SERINC2: variants seen among roughly 807,000 people sequenced by gnomAD.
SERINC2 encodes tumor differentially expressed protein 2.
Under a neutral mutation model 54.2 loss-of-function variants are expected in SERINC2, and 56 were observed. That is an observed-to-expected ratio of 1.03 (90% CI 0.83 to 1.29). The LOEUF is 1.29. SERINC2 is among the 50% of genes most tolerant of loss of function. The probability of loss-of-function intolerance (pLI) is 0.00; values close to 1 mark genes in which losing one functional copy is unlikely to be tolerated. For synonymous variants in SERINC2, 272 were observed against 253.1 expected (o/e 1.07, Z -0.71); for missense variants, 614 against 607.4 (o/e 1.01, Z -0.12).
At chr1:31,411,566 G>A (rs1640649435), upstream of SERINC2, among the ~76,000 whole-genome samples, 2 of 152,130 alleles carry the variant, frequency 1.3e-5, no homozygotes, top group South Asian at 2.1e-4. Flanking sequence ...GGAGGCTTGG[G>A]GGAATCAGGA....
At chr1:31,432,083 T>TGAGGG (rs1557501056) in intron 8 of SERINC2, among the ~76,000 whole-genome samples, 2 of 19,398 alleles carry the variant, frequency 1.0e-4, no homozygotes, top group Non-Finnish European at 9.6e-5. Context: ...GACAGGGTGG[T>TGAGGG]TAGGGTGGAC....
chr1:31,428,180 C>G (rs550480570), intron 6 of SERINC2, among the ~76,000 whole-genome samples: 36 of 152,286 alleles, frequency 2.4e-4, no homozygotes, highest in Non-Finnish European at 4.4e-4. Flanking sequence ...GCTGGGATTA[C>G]AGGCACCCGC....
upstream of SERINC2, among the ~76,000 whole-genome samples, chr1:31,411,954 T>C (rs1553131505): frequency 7.2e-6 from 1 of 138,676 alleles, no homozygotes; most frequent in East Asian, 2.1e-4. Flanking sequence ...TGAGCCATGA[T>C]TGGGCCACTG....
At chr1:31,424,051 T>C (rs377651756) in intron 2 of SERINC2, among the ~76,000 whole-genome samples, 197 bp downstream of exon 2, 5 of 152,124 alleles carry the variant, frequency 3.3e-5, no homozygotes, top group African/African-American at 1.2e-4. Flanking sequence ...TAGGCCACAG[T>C]CTCCTTGGAA....
At chr1:31,423,613 G>C in intron 1 of SERINC2, 80 bp from the exon 2 acceptor site, 1 of 1,449,694 alleles carries the variant, frequency 6.9e-7, no homozygotes, top group Non-Finnish European at 9.3e-7. Flanking sequence ...GCACAGATGC[G>C]CCGACCTCTG....
At position 31,413,832 on chromosome 1, in the gene SERINC2, C is replaced by A; in HGVS notation, c.39+528C>A. On this transcript the variant is annotated intron_variant, in intron 1 of 9. Transcript: ENST00000373709. This position sits in a 1 kb window ranked among gnomAD's most constrained non-coding sequence, Gnocchi z 5.0. ...CCGTTCGTATTTGTCTGGTTCCTGT[C>A]TGTGTCCGTCGTTCGTCCGACTGTC... 1 of 1,409,554 alleles carries A rather than the reference C, an allele frequency of 7.1e-7. No homozygotes were observed. The highest frequency in any genetic ancestry group is 1.6e-5 in the South Asian group (1 of 64,440). 87.3% of individuals were successfully genotyped at this position (1,409,554 alleles called of 1,614,324 possible). A position where few individuals can be genotyped will look rare whatever the true frequency, so the allele number is the denominator to read the frequency against.
intron 8 of SERINC2, among the ~76,000 whole-genome samples, chr1:31,432,065 ACAGGGTG>A (rs1641273122): frequency 7.9e-6 from 1 of 126,006 alleles, no homozygotes; most frequent in Non-Finnish European, 1.6e-5. Flanking sequence ...GACAGGGTGG[ACAGGGTG>A]GACAGGGTGG....
chr1:31,418,815 G>A lies in SERINC2; in HGVS notation c.40-4878G>A, dbSNP rs12078803. Among the ~76,000 whole-genome samples, 4 of 152,298 alleles carry A rather than the reference G, an allele frequency of 2.6e-5. No homozygotes were observed. In the East Asian group the frequency reaches 5.8e-4, roughly 22 times the overall value. On this transcript the variant is annotated intron_variant, in intron 1 of 9. Coordinates refer to ENST00000373709, the MANE Select transcript of SERINC2 (RefSeq NM_178865.5). ...AGACAATGTGAATGACTCAGTGACA[G>A]CCTGTTCACATAATGCCAAACGACT...
At chr1:31,425,731 G>T in intron 4 of SERINC2, 45 bp from the exon 5 acceptor site, 1 of 1,600,580 alleles carries the variant, frequency 6.2e-7, no homozygotes. Flanking sequence ...ACGAGTAGAT[G>T]TGAGAGAGGG....
chr1:31,423,588 C>T (rs760503442), intron 1 of SERINC2, 105 bp from the exon 2 acceptor site: 302 of 1,213,092 alleles, frequency 2.5e-4, no homozygotes, highest in Non-Finnish European at 3.3e-4. Flanking sequence ...GAACAGTGTG[C>T]TCCTGCCTAG....
At chr1:31,411,878 G>A (rs1170242990), upstream of SERINC2, among the ~76,000 whole-genome samples, 1 of 151,888 alleles carries the variant, frequency 6.6e-6, no homozygotes, top group Non-Finnish European at 1.5e-5. Flanking sequence ...GTACACACTG[G>A]TGGTCACAGC....
intron 8 of SERINC2, among the ~76,000 whole-genome samples, chr1:31,431,760 G>C (rs113594701): frequency 1.8e-4 from 19 of 103,754 alleles, no homozygotes; most frequent in South Asian, 1.5e-3. Context: ...ATAGGGTGGA[G>C]AGGGTGGAGA....
intron 8 of SERINC2, 51 bp from the exon 9 acceptor site, chr1:31,432,916 A>T: frequency 7.0e-7 from 1 of 1,434,548 alleles, no homozygotes; most frequent in Non-Finnish European, 9.6e-7. Context: ...GTCCAGTGTT[A>T]TGAGCAACGC....
In SERINC2 at chr1:31,429,549, G is replaced by A. The variant is rs1641139990; in HGVS notation, c.1013+11G>A. 6.3e-7 allele frequency: 1 copy of A among 1,588,704 alleles called. No homozygotes were observed. Among genetic ancestry groups the A allele is most frequent in the Non-Finnish European group, 8.6e-7 (1 of 1,165,050 alleles). On this transcript the variant is annotated intron_variant, in intron 8 of 9. Coordinates refer to ENST00000373709, the MANE Select transcript of SERINC2 (RefSeq NM_178865.5). The stretch of plus-strand genomic sequence containing the variant: ...CACCCTCTTCATCAGGTATGGCCAG[G>A]TCTGGATTCTGGGGAAGGATCATGA...
intron 6 of SERINC2, among the ~76,000 whole-genome samples, chr1:31,427,858 T>TG (rs1641087444): frequency 7.5e-6 from 1 of 133,888 alleles, no homozygotes; most frequent in Non-Finnish European, 1.6e-5. Context: ...AGACAGGGTC[T>TG]GGCTCTGTTG....
chr1:31,427,298 C>G (rs1233317470), intron 6 of SERINC2, among the ~76,000 whole-genome samples: 1 of 152,182 alleles, frequency 6.6e-6, no homozygotes, highest in African/African-American at 2.4e-5. Context: ...GAATAATGGG[C>G]AGGAGCTCCC....
intron 1 of SERINC2, among the ~76,000 whole-genome samples, chr1:31,419,804 G>A (rs1640864095): frequency 1.3e-5 from 2 of 152,066 alleles, no homozygotes; most frequent in Non-Finnish European, 2.9e-5. Flanking sequence ...ACTCCAGCCT[G>A]GGTGACAGAG....
chr1:31,421,747 C>A (rs2377853), intron 1 of SERINC2, among the ~76,000 whole-genome samples: 4 of 152,160 alleles, frequency 2.6e-5, no homozygotes, highest in Non-Finnish European at 4.4e-5. Flanking sequence ...GGGTGCCCAC[C>A]GCTCTTAGGA....
At chr1:31,415,099 C>T (rs1553132056) in intron 1 of SERINC2, among the ~76,000 whole-genome samples, 3 of 152,144 alleles carry the variant, frequency 2.0e-5, no homozygotes, top group Admixed American at 6.5e-5. Context: ...AGAAGACTGC[C>T]ACCCGCCCGG....
Sources: allele counts gnomAD v4.1 joint callset (sites outside exome capture counted in the v4.1 genomes callset), GRCh38; gene constraint gnomAD v4.1.1; non-coding constraint Gnocchi (gnomAD v3.1); transcripts MANE v1.5; gene names NCBI Gene and HGNC (gene_info 2026-07-23, HGNC 2026-07-21).